Variants in AKR1C8 observed in about 807,000 individuals in gnomAD.
AKR1C8 encodes aldo-keto reductase family 1 member C8, also known as aldo-keto reductase family 1 member C-like protein 1.
At chr10:5,150,561 T>G in the AKR1C8 span, among the ~76,000 whole-genome samples, 2 of 152,108 alleles carry the variant, frequency 1.3e-5, no homozygotes, top group African/African-American at 2.4e-5. Context: ...ATGTAAGTTT[T>G]GGACTTTAGG....
the AKR1C8 span, among the ~76,000 whole-genome samples, chr10:5,169,569 G>C: frequency 6.8e-6 from 1 of 146,476 alleles, no homozygotes; most frequent in African/African-American, 2.5e-5. Flanking sequence ...AGTCAGAGGC[G>C]CATGTTTGGA....
the AKR1C8 span, among the ~76,000 whole-genome samples, chr10:5,144,843 T>C: frequency 1.3e-5 from 2 of 152,132 alleles, 1 homozygote; most frequent in South Asian, 4.1e-4. Context: ...TCCTCTTTTC[T>C]TAATTGACTA....
At chr10:5,148,088 C>T in the AKR1C8 span, among the ~76,000 whole-genome samples, 8 of 152,110 alleles carry the variant, frequency 5.3e-5, no homozygotes, top group African/African-American at 1.9e-4. Context: ...TGTGAGGCCT[C>T]TGGCTTCACA....
At chr10:5,178,416 G>A in the AKR1C8 span, among the ~76,000 whole-genome samples, 2 of 152,124 alleles carry the variant, frequency 1.3e-5, no homozygotes, top group African/African-American at 2.4e-5. Flanking sequence ...GGTCAATTTT[G>A]GAATAGGTGT....
chr10:5,148,207 TATAGGAGATAGAGAGGAGGAGGAAC>T, the AKR1C8 span, among the ~76,000 whole-genome samples: 2 of 151,298 alleles, frequency 1.3e-5, no homozygotes, highest in African/African-American at 4.9e-5. Context: ...TGCTCAGTAG[TATAGGAGATAGAGAGGAGGAGGAAC>T]ATAGGAGATA....
the AKR1C8 span, among the ~76,000 whole-genome samples, chr10:5,159,136 G>A: frequency 6.6e-6 from 1 of 152,258 alleles, no homozygotes; most frequent in East Asian, 1.9e-4. Context: ...TACTTGAAGA[G>A]GCTCCTGCTG....
the AKR1C8 span, among the ~76,000 whole-genome samples, chr10:5,174,043 G>A: frequency 1.3e-5 from 2 of 151,824 alleles, no homozygotes; most frequent in East Asian, 3.9e-4. Context: ...TTTCCTTGTG[G>A]AACCTGAACC....
the AKR1C8 span, chr10:5,184,919 T>C: frequency 2.3e-6 from 1 of 439,518 alleles, no homozygotes; most frequent in Admixed American, 2.5e-5. Context: ...CTTCCAAGCA[T>C]CCACTGTCTA....
the AKR1C8 span, among the ~76,000 whole-genome samples, chr10:5,137,550 T>G: frequency 1.3e-4 from 20 of 150,528 alleles, no homozygotes; most frequent in Admixed American, 7.9e-4. Context: ...AATTCAACCC[T>G]GCTTCATGCT....
At chr10:5,183,522 A>G in the AKR1C8 span, among the ~76,000 whole-genome samples, 1 of 152,216 alleles carries the variant, frequency 6.6e-6, no homozygotes, top group Non-Finnish European at 1.5e-5. Context: ...GGTAATACTA[A>G]TAACACCACA....
At chr10:5,121,068 A>G in the AKR1C8 span, among the ~76,000 whole-genome samples, 1 of 150,900 alleles carries the variant, frequency 6.6e-6, no homozygotes, top group Non-Finnish European at 1.5e-5. Flanking sequence ...ATAAAACGAC[A>G]TAGAGGCTTT....
the AKR1C8 span, chr10:5,161,958 G>C: frequency 1.9e-6 from 1 of 533,054 alleles, no homozygotes; most frequent in African/African-American, 1.9e-5. Flanking sequence ...CTGCCCGAAA[G>C]AAAGTAGCCC....
At chr10:5,141,910 G>C in the AKR1C8 span, among the ~76,000 whole-genome samples, 2 of 152,100 alleles carry the variant, frequency 1.3e-5, no homozygotes, top group Non-Finnish European at 2.9e-5. Flanking sequence ...ACTAACACAA[G>C]AGTCAGCCTG....
chr10:5,172,876 G>C, the AKR1C8 span, among the ~76,000 whole-genome samples: 3 of 152,092 alleles, frequency 2.0e-5, no homozygotes, highest in Admixed American at 2.0e-4. Context: ...ACCAGAAGAA[G>C]ATCTAGTAGT....
chr10:5,159,137 G>A, the AKR1C8 span, among the ~76,000 whole-genome samples: 1 of 152,172 alleles, frequency 6.6e-6, no homozygotes, highest in South Asian at 2.1e-4. Context: ...ACTTGAAGAG[G>A]CTCCTGCTGG....
At chr10:5,165,475 C>T in the AKR1C8 span, among the ~76,000 whole-genome samples, 13 of 152,136 alleles carry the variant, frequency 8.5e-5, no homozygotes, top group East Asian at 1.9e-4. Flanking sequence ...CTTCTATATC[C>T]CTCTAATAGT....
chr10:5,142,821 T>C, the AKR1C8 span, among the ~76,000 whole-genome samples: 1 of 151,956 alleles, frequency 6.6e-6, no homozygotes, highest in Non-Finnish European at 1.5e-5. Flanking sequence ...ATTACTGAAA[T>C]GTGGGGAAAA....
chr10:5,176,733 T>G, the AKR1C8 span, among the ~76,000 whole-genome samples: 1 of 152,190 alleles, frequency 6.6e-6, no homozygotes, highest in African/African-American at 2.4e-5. Flanking sequence ...TTATTATCTT[T>G]GAAGCAATCG....
the AKR1C8 span, among the ~76,000 whole-genome samples, chr10:5,143,618 ATT>A: frequency 6.6e-6 from 1 of 151,506 alleles, no homozygotes; most frequent in Admixed American, 6.6e-5. Context: ...GATTTTATAC[ATT>A]TATATATGAG....
Sources: allele counts gnomAD v4.1 joint callset (sites outside exome capture counted in the v4.1 genomes callset), GRCh38; gene constraint gnomAD v4.1.1; transcripts MANE v1.5; gene names NCBI Gene and HGNC (gene_info 2026-07-23, HGNC 2026-07-21).